The following ZCCHC14 variants were observed in gnomAD, a reference collection of about 807,000 sequenced individuals.
The protein encoded by ZCCHC14 is zinc finger CCHC domain-containing protein 14.
ZCCHC14 carries 16 observed loss-of-function variants against 85.0 expected under a neutral mutation model. The observed-to-expected ratio is 0.19, with a 90% CI of 0.13 to 0.29. ZCCHC14 has a LOEUF of 0.29. Among genes scored for constraint, ZCCHC14 ranks in the 10% least tolerant of loss-of-function variants. The pLI is 1.00. For missense variants in ZCCHC14, 1,303 were observed against 1,443.5 expected, an observed-to-expected ratio of 0.90 and a Z score of 1.58; for synonymous variants, 775 against 630.7, an observed-to-expected ratio of 1.23 and a Z score of -3.43.
In ZCCHC14 at chr16:87,491,857, T is replaced by G; in HGVS notation, c.382A>C (p.Thr128Pro). The change falls in exon 1 of 13, where the codon ACG becomes CCG. Residue 128 changes from threonine to proline, a missense_variant. Physicochemically the swap from Thr to Pro is conservative, Grantham distance 38 (BLOSUM62 -1). Transcript: ENST00000671377. This position sits in a 1 kb window ranked among gnomAD's most constrained non-coding sequence, Gnocchi z 5.9. ...AACAGCAGCAGGAACTCATCGCCCG[T>G]GCGGCCCTCGTTAAGCTGCAGCCCG... Reference protein sequence around the residue: ...NYGLQLNEGRTGDEFLLLFTM... With the variant: ...NYGLQLNEGRPGDEFLLLFTM... 1 of 1,564,098 alleles carries G rather than the reference T, an allele frequency of 6.4e-7. No individual in the cohort carries two copies. Among genetic ancestry groups the G allele is most frequent in the Non-Finnish European group, 8.6e-7 (1 of 1,161,922 alleles).
intron 4 of ZCCHC14, among the ~76,000 whole-genome samples, chr16:87,421,433 C>T (rs955500445): frequency 6.6e-6 from 1 of 152,138 alleles, no homozygotes; most frequent in African/African-American, 2.4e-5. Flanking sequence ...AAAGCAAAAG[C>T]GCTCTGGTGC....
Position 87,412,059 on chromosome 16 carries a change from C to T in ZCCHC14, c.2662G>A (p.Gly888Ser), listed in dbSNP as rs776734090. The T allele has an allele frequency of 5.0e-6, 8 of 1,610,310 alleles. No individual in the cohort carries two copies. Among genetic ancestry groups the T allele is most frequent in the Non-Finnish European group, 6.8e-6 (8 of 1,179,960 alleles). The change falls in exon 12 of 13, where the codon GGC becomes AGC. Residue 888 changes from glycine (G) to serine (S), a missense_variant. This residue lies in a region of ZCCHC14 where 797 missense variants were observed against 730.8 expected (regional missense o/e 1.09). Coordinates refer to ENST00000671377, the MANE Select transcript of ZCCHC14 (RefSeq NM_015144.3). Reference protein sequence around the residue: ...SSFYSSSGGGGSTGNIPASNP... With the variant: ...SSFYSSSGGGSSTGNIPASNP... Reference sequence around the variant, plus strand: ...GAGGCAGGAATGTTTCCTGTGGAGCCGCCACCGCCACTGCTGCTATAGAAA... The same window carrying T: ...GAGGCAGGAATGTTTCCTGTGGAGCTGCCACCGCCACTGCTGCTATAGAAA...
intron 1 of ZCCHC14, chr16:87,467,231 A>G (rs917102827): frequency 3.5e-5 from 54 of 1,556,936 alleles, no homozygotes; most frequent in Non-Finnish European, 4.2e-5. Flanking sequence ...TGAGGACTGC[A>G]AGCCTCTCGT....
At chr16:87,419,132 T>A (rs559680376) in intron 6 of ZCCHC14, among the ~76,000 whole-genome samples, 2 of 150,210 alleles carry the variant, frequency 1.3e-5, no homozygotes, top group African/African-American at 4.9e-5. Context: ...AATTTTATAT[T>A]TTTATTTTAT....
At chr16:87,455,243 G>A (rs1399476641) in intron 2 of ZCCHC14, among the ~76,000 whole-genome samples, 4 of 152,060 alleles carry the variant, frequency 2.6e-5, no homozygotes, top group Non-Finnish European at 4.4e-5. Context: ...AACCGAGATC[G>A]TGCCATTGTG....
In ZCCHC14 at chr16:87,410,530, C is replaced by A. The variant is rs115296046; in HGVS notation, c.3206-195G>T. Among the ~76,000 whole-genome samples the A allele has an allele frequency of 3.8e-3, 585 of 152,314 alleles. 5 individuals carry two copies. The highest frequency in any genetic ancestry group is 0.014 in the African/African-American group (566 of 41,552). ...AATTTTACAAGTTTATCAAATCTGA[C>A]CGGGGTGAAATGACTCAGGAAAAGT... On this transcript the variant is annotated intron_variant, in intron 12 of 12. Transcript: ENST00000671377.
chr16:87,449,745 A>G (rs1365730314), intron 2 of ZCCHC14, among the ~76,000 whole-genome samples: 1 of 152,210 alleles, frequency 6.6e-6, no homozygotes, highest in Non-Finnish European at 1.5e-5. Flanking sequence ...GGGAGAGTTT[A>G]AAAAATGACC....
At chr16:87,463,949 A>C (rs373130345) in intron 1 of ZCCHC14, among the ~76,000 whole-genome samples, 18 of 152,182 alleles carry the variant, frequency 1.2e-4, no homozygotes, top group African/African-American at 4.1e-4. Context: ...CCTCCTGAGT[A>C]ACTGGGACCA....
chr16:87,467,339 T>C, intron 1 of ZCCHC14: 2 of 1,593,368 alleles, frequency 1.3e-6, no homozygotes, highest in Non-Finnish European at 1.7e-6. Context: ...CAGAAAAAGA[T>C]TTCATCCAAC....
In ZCCHC14 at chr16:87,406,615, C is replaced by T. The variant is rs1908214212; in HGVS notation, c.*3665G>A. Reference sequence around the variant, plus strand: ...TCTTTTTGTGCACGTAAGACTCACACATGTGATGAGGGCTTGTTACAACGC... The same window carrying T: ...TCTTTTTGTGCACGTAAGACTCACATATGTGATGAGGGCTTGTTACAACGC... On this transcript the variant is annotated 3_prime_UTR_variant, in exon 13 of 13. Transcript: ENST00000671377. 6.6e-6 allele frequency: 1 copy of T among 152,316 alleles called. No homozygotes were observed. Among genetic ancestry groups the T allele is most frequent in the Non-Finnish European group, 1.5e-5 (1 of 68,042 alleles). 9.4% of individuals were successfully genotyped at this position (152,316 alleles called of 1,614,324 possible).
chr16:87,467,460 G>A (rs546595888), intron 1 of ZCCHC14: 99 of 1,606,658 alleles, frequency 6.2e-5, no homozygotes, highest in South Asian at 5.8e-4. Context: ...TTCTGTTCAC[G>A]GTGTGAGTAC....
intron 1 of ZCCHC14, chr16:87,467,715 G>A (rs1395572421): frequency 1.5e-5 from 10 of 659,052 alleles, no homozygotes; most frequent in African/African-American, 7.2e-5. Flanking sequence ...GCAGTGGTGC[G>A]ATCTTGGCTC....
intron 8 of ZCCHC14, among the ~76,000 whole-genome samples, chr16:87,415,956 T>G (rs1328767285): frequency 6.6e-6 from 1 of 152,184 alleles, no homozygotes; most frequent in African/African-American, 2.4e-5. Flanking sequence ...AGACGGAGTT[T>G]CACTCTGTCA....
intron 8 of ZCCHC14, among the ~76,000 whole-genome samples, chr16:87,415,926 GTTTGTTTT>G (rs1367630796): frequency 6.6e-6 from 1 of 151,844 alleles, no homozygotes; most frequent in Non-Finnish European, 1.5e-5. Context: ...GTTTTTGTTT[GTTTGTTTT>G]TTTGTTTTTT....
At chr16:87,418,748 G>C (rs755660975) in intron 7 of ZCCHC14, 99 bp downstream of exon 7, 36 of 1,207,272 alleles carry the variant, frequency 3.0e-5, no homozygotes, top group Non-Finnish European at 4.2e-5. Flanking sequence ...GACTCAACTT[G>C]AGCATGACTT....
chr16:87,454,851 G>A (rs1910875493), intron 2 of ZCCHC14, among the ~76,000 whole-genome samples: 2 of 152,248 alleles, frequency 1.3e-5, no homozygotes, highest in South Asian at 4.1e-4. Flanking sequence ...GAGCTGCACT[G>A]ATGATGCCTG....
chr16:87,412,136 C>T lies in ZCCHC14; in HGVS notation c.2585G>A (p.Ser862Asn). Residue 862 changes from serine to asparagine, a missense_variant, in exon 12 of 13, where the codon AGC becomes AAC. Physicochemically the swap from Ser to Asn is conservative, Grantham distance 46. Coordinates refer to ENST00000671377, the MANE Select transcript of ZCCHC14 (RefSeq NM_015144.3). Reference sequence around the variant, plus strand: ...CGGGCTGGAGCTGGGGGCTGGGCAGCTGGGCAACGTGGCCATGTTGGCAAA... The same window carrying T: ...CGGGCTGGAGCTGGGGGCTGGGCAGTTGGGCAACGTGGCCATGTTGGCAAA... ...TSFANMATLP[S>N]CPAPSSSPAL... is the part of the protein sequence containing the mutation. 6.2e-7 allele frequency: 1 copy of T among 1,613,854 alleles called. No homozygotes were observed. The highest frequency in any genetic ancestry group is 8.5e-7 in the Non-Finnish European group (1 of 1,180,032).
Position 87,481,767 on chromosome 16 carries a change from G to T in ZCCHC14, c.570+9902C>A, listed in dbSNP as rs373205593. Among the ~76,000 whole-genome samples, 7 of 152,276 alleles carry T rather than the reference G, an allele frequency of 4.6e-5. No individual in the cohort carries two copies. The East Asian group carries it at 1.2e-3, about 25-fold the overall frequency. ...CCTCTGGCTGGAAGGGATTAGAAGG[G>T]AAGGACAGAGCAGGTCAGGGTTGGT... On this transcript the variant is annotated intron_variant, in intron 1 of 12. Coordinates refer to ENST00000671377, the MANE Select transcript of ZCCHC14 (RefSeq NM_015144.3).
At chr16:87,487,614 C>A (rs1181621422) in intron 1 of ZCCHC14, among the ~76,000 whole-genome samples, 1 of 152,266 alleles carries the variant, frequency 6.6e-6, no homozygotes, top group Admixed American at 6.5e-5. Context: ...CGCACCGACA[C>A]GTGCGCCAGC....
Sources: allele counts gnomAD v4.1 joint callset (sites outside exome capture counted in the v4.1 genomes callset), GRCh38; gene constraint gnomAD v4.1.1; regional missense constraint gnomAD v4.1.1; non-coding constraint Gnocchi (gnomAD v3.1); transcripts MANE v1.5; gene names NCBI Gene and HGNC (gene_info 2026-07-23, HGNC 2026-07-21).